Variants in GFUS observed in about 807,000 individuals in gnomAD.
The protein encoded by GFUS is GDP-L-fucose synthase, also known as 3-5 epimerase/4-reductase.
GFUS carries 42 observed loss-of-function variants against 41.5 expected under a neutral mutation model. The observed-to-expected ratio is 1.01, with a 90% CI of 0.79 to 1.31. The LOEUF is 1.31. Ranked by LOEUF, GFUS falls within the 50% of genes most tolerant of loss-of-function variation. The probability of loss-of-function intolerance (pLI) is 0.00; values close to 1 mark genes in which losing one functional copy is unlikely to be tolerated. For missense variants in GFUS, 437 were observed against 428.7 expected, an observed-to-expected ratio of 1.02 and a Z score of -0.17; for synonymous variants, 188 against 173.4, an observed-to-expected ratio of 1.08 and a Z score of -0.66.
In GFUS at chr8:143,612,911, C is replaced by T. The variant is rs751203087; in HGVS notation, c.965G>A (p.Ter322=). ...FTDNYEQARK[*] ...GGCACCTGATCCTGTCTTCCAGCTT[C>T]ACTTCCGGGCCTGCTCGTAGTTGTC... The change falls in exon 11 of 11, where the codon TGA becomes TAA. Residue 322 remains the stop codon, a stop_retained_variant. Transcript: ENST00000425753. 2.5e-6 allele frequency: 4 copies of T among 1,607,852 alleles called. No individual in the cohort carries two copies. In the South Asian group the frequency reaches 3.3e-5, roughly 13 times the overall value.
intron 4 of GFUS, 43 bp from the exon 5 acceptor site, chr8:143,614,740 GC>G: frequency 6.2e-7 from 1 of 1,613,102 alleles, no homozygotes; most frequent in Non-Finnish European, 8.5e-7. Context: ...TCCTGGCCCT[GC>G]CCACCGGCTC....
chr8:143,614,117 T>G, intron 7 of GFUS, 47 bp downstream of exon 7: 2 of 1,607,630 alleles, frequency 1.2e-6, no homozygotes, highest in Non-Finnish European at 1.7e-6. Flanking sequence ...AGCCCAGGGC[T>G]CAATAGGGCA....
intron 2 of GFUS, 129 bp downstream of exon 2, chr8:143,616,438 C>T: frequency 6.9e-7 from 1 of 1,444,756 alleles, no homozygotes. Context: ...CCAGGCCAGC[C>T]ACCTGGCAGG....
chr8:143,613,114 T>C, intron 10 of GFUS, 82 bp downstream of exon 10: 1 of 1,535,726 alleles, frequency 6.5e-7, no homozygotes, highest in Non-Finnish European at 9.0e-7. Flanking sequence ...AGGGGGCACC[T>C]CACCTCTGCC....
intron 9 of GFUS, 37 bp downstream of exon 9, chr8:143,613,487 C>T (rs781048904): frequency 6.2e-7 from 1 of 1,602,166 alleles, no homozygotes; most frequent in South Asian, 1.1e-5. Context: ...GCCCAAGGGG[C>T]CCCCGCCCAA....
intron 5 of GFUS, 26 bp from the exon 6 acceptor site, chr8:143,614,479 C>T (rs1035443832): frequency 5.0e-6 from 8 of 1,597,256 alleles, no homozygotes; most frequent in Non-Finnish European, 6.8e-6. Flanking sequence ...GTCTCCTGCC[C>T]TCGTCCTGGG....
At chr8:143,617,087 G>C (rs1313036225) in intron 1 of GFUS, 2 of 265,828 alleles carry the variant, frequency 7.5e-6, no homozygotes, top group Non-Finnish European at 1.5e-5. Flanking sequence ...CGCAGCTAAA[G>C]CCCGCATGCT....
At chr8:143,617,742 G>A (rs994262225), upstream of GFUS, among the ~76,000 whole-genome samples, 1 of 152,116 alleles carries the variant, frequency 6.6e-6, no homozygotes, top group Non-Finnish European at 1.5e-5. Context: ...TAGCCCGCGG[G>A]GCGCTGGGCC....
intron 3 of GFUS, 62 bp downstream of exon 3, chr8:143,616,044 C>T: frequency 2.8e-6 from 4 of 1,406,520 alleles, no homozygotes; most frequent in Non-Finnish European, 3.9e-6. Flanking sequence ...GGAAGCCCGC[C>T]AGGAAGTTCC....
chr8:143,613,317 C>T, intron 9 of GFUS, 22 bp from the exon 10 acceptor site: 1 of 1,609,510 alleles, frequency 6.2e-7, no homozygotes, highest in Non-Finnish European at 8.5e-7. Context: ...GTCAAGGCCA[C>T]AGCGAGAAGA....
In GFUS at chr8:143,613,253, T is replaced by C. The variant is rs1229046520; in HGVS notation, c.853A>G (p.Ser285Gly). ...AGGTAGGTCCTCAGCTTGCTGTTAC[T>C]GGCTGTCTTCTTAAACTGCCCATCC... is the stretch of plus-strand genomic sequence containing the variant. Reference protein sequence around the residue: ...KSDGQFKKTASNSKLRTYLPD... With the variant: ...KSDGQFKKTAGNSKLRTYLPD... The change falls in exon 10 of 11, where the codon AGT (serine) becomes GGT (glycine). Residue 285 changes from serine (S) to glycine (G), a missense_variant. By Grantham distance (56) the Ser-to-Gly change is moderately conservative. Transcript: ENST00000425753. 6.2e-6 allele frequency: 10 copies of C among 1,613,976 alleles called. No homozygotes were observed. Among genetic ancestry groups the C allele is most frequent in the Middle Eastern group, 3.3e-4 (2 of 6,084 alleles).
chr8:143,614,986 G>GCTCCTC, intron 3 of GFUS, 71 bp from the exon 4 acceptor site: 1 of 1,537,562 alleles, frequency 6.5e-7, no homozygotes, highest in Non-Finnish European at 8.8e-7. Context: ...TCCTCCAGAC[G>GCTCCTC]CAGAAGTGGA....
At position 143,613,030 on chromosome 8, in the gene GFUS, G is replaced by C; in HGVS notation, c.911-65C>G. On this transcript the variant is annotated intron_variant, in intron 10 of 10. Coordinates refer to ENST00000425753, the MANE Select transcript of GFUS (RefSeq NM_003313.4). ...TCGGGGCCGCATGGGAGGAAGTGGG[G>C]GGAGGAGGCCCAGGGACAGGGAAGT... The C allele has an allele frequency of 2.5e-6, 4 of 1,587,598 alleles. No individual in the cohort carries two copies. The South Asian group carries it at 4.5e-5, about 18-fold the overall frequency.
At chr8:143,617,133 A>G (rs1829747638) in intron 1 of GFUS, 1 of 195,174 alleles carries the variant, frequency 5.1e-6, no homozygotes, top group Non-Finnish European at 1.1e-5. Context: ...TGTGCAGCCC[A>G]CGCCCACTCG....
chr8:143,614,564 C>T (rs1039722422), intron 5 of GFUS, 60 bp downstream of exon 5: 10 of 1,558,880 alleles, frequency 6.4e-6, no homozygotes, highest in African/African-American at 1.4e-5. Context: ...CGGCCCCACC[C>T]GCCCCTGGGG....
At chr8:143,613,874 C>T (rs989500809) in intron 7 of GFUS, 57 bp from the exon 8 acceptor site, 30 of 1,531,754 alleles carry the variant, frequency 2.0e-5, no homozygotes, top group Middle Eastern at 1.7e-4. Flanking sequence ...CTCTCCCAAA[C>T]GCCCCTGCTG....
At position 143,615,015 on chromosome 8, in the gene GFUS, A is replaced by G. The variant is rs557234194; in HGVS notation, c.262-100T>C. On this transcript the variant is annotated intron_variant, in intron 3 of 10. Coordinates refer to ENST00000425753, the MANE Select transcript of GFUS (RefSeq NM_003313.4). ...AAGTGGAGACACACCCTGGCCCTTC[A>G]GCCCTGGGAGGACCCAAGCCTGCCC... The G allele has an allele frequency of 2.2e-5, 33 of 1,501,730 alleles. No individual in the cohort carries two copies. In the South Asian group the frequency reaches 4.3e-4, roughly 20 times the overall value. 93.0% of individuals were successfully genotyped at this position (1,501,730 alleles called of 1,614,324 possible).
At chr8:143,613,697 A>AG (rs1829639528) in intron 8 of GFUS, 54 bp downstream of exon 8, 1 of 1,563,154 alleles carries the variant, frequency 6.4e-7, no homozygotes, top group African/African-American at 1.4e-5. Context: ...TCCCAGGACA[A>AG]CCTTGGATCC....
chr8:143,616,691 T>G lies in GFUS; in HGVS notation c.22A>C (p.Met8Leu). 5 of 1,613,620 alleles carry G rather than the reference T, an allele frequency of 3.1e-6. No individual in the cohort carries two copies. The highest frequency in any genetic ancestry group is 3.4e-6 in the Non-Finnish European group (4 of 1,179,968). Residue 8 changes from methionine to leucine, a missense_variant, in exon 2 of 11, where the codon ATG becomes CTG. Coordinates refer to ENST00000425753, the MANE Select transcript of GFUS (RefSeq NM_003313.4). ...GAGCCCCCTGTCACTAGAATCCGCA[T>G]GGATCCCTGGGGTTCACCCATGTCA... Reference protein sequence around the residue: MGEPQGSMRILVTGGSGL... With the variant: MGEPQGSLRILVTGGSGL...
Sources: allele counts gnomAD v4.1 joint callset (sites outside exome capture counted in the v4.1 genomes callset), GRCh38; gene constraint gnomAD v4.1.1; transcripts MANE v1.5; gene names NCBI Gene and HGNC (gene_info 2026-07-23, HGNC 2026-07-21).